Variants in SMARCA2 observed in about 807,000 individuals in gnomAD.
SMARCA2 encodes the protein SWI/SNF-related matrix-associated actin-dependent regulator of chromatin subfamily A member 2.
Under a neutral mutation model 199.8 loss-of-function variants are expected in SMARCA2, and 61 were observed. The observed-to-expected ratio is 0.31, with a 90% confidence interval of 0.25 to 0.38. The LOEUF is 0.38. Among genes scored for constraint, SMARCA2 ranks in the 10% least tolerant of loss-of-function variants. The pLI, the probability that SMARCA2 is intolerant of heterozygous loss-of-function variation, is 1.00. For synonymous variants in SMARCA2, 935 were observed against 732.0 expected, an observed-to-expected ratio of 1.28 and a Z score of -4.48; for missense variants, 1,344 against 2,012.2, an observed-to-expected ratio of 0.67 and a Z score of 6.35.
rs914183742 is a variant in SMARCA2 at position 2,161,853 on chromosome 9, G to C, written c.4149G>C (p.Leu1383=). 6.2e-7 allele frequency: 1 copy of C among 1,613,946 alleles called. No homozygotes were observed. Among genetic ancestry groups the C allele is most frequent in the African/African-American group, 1.3e-5 (1 of 74,922 alleles). ...AEKLSPNPPK[L]TKQMNAIIDT... ...AACTGTCACCAAATCCCCCCAAACT[G>C]ACAAAGCAGATGAACGCTATCATCG... Residue 1383 remains leucine (L), a synonymous_variant, in exon 28 of 34, where the codon CTG becomes CTC. Coordinates refer to ENST00000349721, the MANE Select transcript of SMARCA2 (RefSeq NM_003070.5). This position sits in a 1 kb window ranked among gnomAD's most constrained non-coding sequence, Gnocchi z 4.7.
chr9:2,032,341 G>A (rs1185067090), intron 2 of SMARCA2, among the ~76,000 whole-genome samples: 2 of 152,136 alleles, frequency 1.3e-5, no homozygotes, highest in Non-Finnish European at 2.9e-5. Flanking sequence ...CCCTGTGTTC[G>A]TTTATTTCCA....
intron 19 of SMARCA2, among the ~76,000 whole-genome samples, chr9:2,090,747 C>T (rs779061342): frequency 1.3e-5 from 2 of 151,046 alleles, no homozygotes; most frequent in Non-Finnish European, 3.0e-5. Context: ...CTTCCGGTAG[C>T]CCCCCCACAT....
chr9:2,160,771 T>C, intron 27 of SMARCA2: 5 of 410,032 alleles, frequency 1.2e-5, no homozygotes, highest in Non-Finnish European at 1.3e-5. Flanking sequence ...TTAAAGATCT[T>C]TTTTTTAGAA....
At chr9:2,019,782 T>G (rs1818523124) in intron 1 of SMARCA2, among the ~76,000 whole-genome samples, 1 of 151,958 alleles carries the variant, frequency 6.6e-6, no homozygotes, top group African/African-American at 2.4e-5. Flanking sequence ...GTTTTATAAA[T>G]TATAAAAGTG....
intron 14 of SMARCA2, chr9:2,079,901 C>G (rs1050154797): frequency 1.4e-4 from 22 of 152,268 alleles, no homozygotes; most frequent in African/African-American, 5.3e-4. Flanking sequence ...TCTTTTCAAA[C>G]CTAGCTCCTT....
intron 32 of SMARCA2, among the ~76,000 whole-genome samples, chr9:2,186,498 CTTTTATTTATTTA>C (rs1827468707): frequency 6.6e-6 from 1 of 152,056 alleles, no homozygotes; most frequent in African/African-American, 2.4e-5. Flanking sequence ...TGTTTTATTT[CTTTTATTTATTTA>C]TTTTTGAGAC....
chr9:2,065,139 G>A (rs113581922), intron 9 of SMARCA2, among the ~76,000 whole-genome samples: 9,087 of 152,044 alleles, frequency 0.06, 294 homozygotes, highest in Middle Eastern at 0.082. Context: ...GAGCCGAGAC[G>A]GCGCCACTGC....
At chr9:2,150,225 T>G (rs1824992520) in intron 27 of SMARCA2, among the ~76,000 whole-genome samples, 1 of 151,626 alleles carries the variant, frequency 6.6e-6, no homozygotes, top group Non-Finnish European at 1.5e-5. Flanking sequence ...ATCCCTAGCA[T>G]AATGCTACCT....
chr9:2,097,125 C>T, intron 20 of SMARCA2: 1 of 492,606 alleles, frequency 2.0e-6, no homozygotes, highest in East Asian at 3.4e-5. Context: ...AATAGACAGT[C>T]ATGTCGCAAA....
intron 1 of SMARCA2, among the ~76,000 whole-genome samples, chr9:2,028,365 A>T (rs899278300): frequency 5.9e-5 from 9 of 152,238 alleles, no homozygotes; most frequent in African/African-American, 2.2e-4. Context: ...TTGCATTGAA[A>T]TCTCAAAAGA....
At chr9:2,174,109 A>C (rs1392938468) in intron 29 of SMARCA2, among the ~76,000 whole-genome samples, 1 of 152,050 alleles carries the variant, frequency 6.6e-6, no homozygotes, top group Non-Finnish European at 1.5e-5. Flanking sequence ...GTTTCCCGAG[A>C]CACAGAATGC....
chr9:2,078,414 G>A (rs926141840), intron 14 of SMARCA2, among the ~76,000 whole-genome samples: 1 of 152,012 alleles, frequency 6.6e-6, no homozygotes, highest in African/African-American at 2.4e-5. Context: ...GGAGGTTGCA[G>A]TGAGCCAAGA....
intron 19 of SMARCA2, among the ~76,000 whole-genome samples, chr9:2,092,109 A>G (rs1822086839): frequency 6.6e-6 from 1 of 152,198 alleles, no homozygotes; most frequent in Non-Finnish European, 1.5e-5. Context: ...TAAGCTAAAT[A>G]AAAATTGATT....
At chr9:2,098,959 A>AAG (rs1554625878) in intron 21 of SMARCA2, among the ~76,000 whole-genome samples, 43 of 151,390 alleles carry the variant, frequency 2.8e-4, no homozygotes, top group African/African-American at 9.2e-4. Flanking sequence ...AAAAAAAAAA[A>AAG]AAAGTCACAG....
At chr9:2,087,334 C>T (rs938314207) in intron 18 of SMARCA2, 1 of 453,720 alleles carries the variant, frequency 2.2e-6, no homozygotes, top group African/African-American at 2.0e-5. Flanking sequence ...AGGGTCCCAA[C>T]CGGTGGAATG....
At chr9:2,021,650 C>A (rs1034926994) in intron 1 of SMARCA2, among the ~76,000 whole-genome samples, 14 of 152,080 alleles carry the variant, frequency 9.2e-5, no homozygotes, top group African/African-American at 3.4e-4. Context: ...TTGTGGCTTG[C>A]TGTTGTGCTA....
At chr9:2,055,364 G>A (rs1820306008) in intron 6 of SMARCA2, among the ~76,000 whole-genome samples, 1 of 152,156 alleles carries the variant, frequency 6.6e-6, no homozygotes, top group African/African-American at 2.4e-5. Context: ...AGAGACAAGT[G>A]GAATGAGTTA....
intron 28 of SMARCA2, among the ~76,000 whole-genome samples, chr9:2,163,866 T>G (rs1825809238): frequency 6.6e-6 from 1 of 152,158 alleles, no homozygotes; most frequent in Admixed American, 6.5e-5. Flanking sequence ...GATGACATAC[T>G]GCCAACAGAT....
chr9:2,070,259 C>G (rs1435549902), intron 9 of SMARCA2, among the ~76,000 whole-genome samples, 159 bp from the exon 10 acceptor site: 2 of 152,164 alleles, frequency 1.3e-5, no homozygotes, highest in Non-Finnish European at 1.5e-5. Context: ...CATGTTTTGT[C>G]TCAGCAAAGA....
Sources: allele counts gnomAD v4.1 joint callset (sites outside exome capture counted in the v4.1 genomes callset), GRCh38; gene constraint gnomAD v4.1.1; non-coding constraint Gnocchi (gnomAD v3.1); transcripts MANE v1.5; gene names NCBI Gene and HGNC (gene_info 2026-07-23, HGNC 2026-07-21).